SCAF4: variants seen among roughly 807,000 people sequenced by gnomAD.
The protein encoded by SCAF4 is SR-related CTD associated factor 4.
A neutral mutation model predicts 129.8 loss-of-function variants in SCAF4; 25 were observed. The observed-to-expected ratio is 0.19, with a 90% CI of 0.14 to 0.27. The LOEUF (loss-of-function observed/expected upper bound fraction) is 0.27, where lower values mean the gene tolerates loss of function less well. Among genes scored for constraint, SCAF4 ranks in the 10% least tolerant of loss-of-function variants. SCAF4 has a pLI of 1.00. For missense variants in SCAF4, 1,246 were observed against 1,457.1 expected, an observed-to-expected ratio of 0.86 and a Z score of 2.36; for synonymous variants, 551 against 497.7, an observed-to-expected ratio of 1.11 and a Z score of -1.43.
intron 4 of SCAF4, among the ~76,000 whole-genome samples, chr21:31,702,891 G>A (rs2050568891): frequency 1.3e-5 from 2 of 152,068 alleles, no homozygotes; most frequent in African/African-American, 4.8e-5. Flanking sequence ...TCCCACAAGA[G>A]CATTCTTCCA....
At chr21:31,698,349 A>G (rs1269504507) in intron 7 of SCAF4, among the ~76,000 whole-genome samples, 1 of 152,210 alleles carries the variant, frequency 6.6e-6, no homozygotes, top group East Asian at 1.9e-4. Flanking sequence ...ACTTAAGGTT[A>G]AATACTAGAG....
intron 1 of SCAF4, among the ~76,000 whole-genome samples, chr21:31,709,584 C>T (rs900224211): frequency 3.3e-5 from 5 of 152,070 alleles, no homozygotes; most frequent in African/African-American, 4.8e-5. Context: ...ACTCTATAGT[C>T]TCTATTTAAA....
chr21:31,707,417 A>G (rs1172124232), intron 1 of SCAF4, among the ~76,000 whole-genome samples: 1 of 152,200 alleles, frequency 6.6e-6, no homozygotes, highest in Non-Finnish European at 1.5e-5. Flanking sequence ...ATCTACAGCC[A>G]TCAGGTGCTT....
At position 31,672,433 on chromosome 21, in the gene SCAF4, A is replaced by G; in HGVS notation, c.2489-79T>C. ...TTCAGCTGTGTTCTGTGGCGCTTAAAGCAAAATAAAATTCAACCCACAATC... is the reference window on the plus strand; with the variant it reads ...TTCAGCTGTGTTCTGTGGCGCTTAAGGCAAAATAAAATTCAACCCACAATC... On this transcript the variant is annotated intron_variant, in intron 19 of 19. Transcript: ENST00000286835. 2 of 1,132,152 alleles carry G rather than the reference A, an allele frequency of 1.8e-6. 1 individual carries two copies. Among genetic ancestry groups the G allele is most frequent in the South Asian group, 2.7e-5 (2 of 74,120 alleles). 70.1% of individuals were successfully genotyped at this position (1,132,152 alleles called of 1,614,324 possible). A position where few individuals can be genotyped will look rare whatever the true frequency, so the allele number is the denominator to read the frequency against.
At chr21:31,682,429 G>C (rs1442544313) in intron 19 of SCAF4, among the ~76,000 whole-genome samples, 1 of 151,322 alleles carries the variant, frequency 6.6e-6, no homozygotes, top group Non-Finnish European at 1.5e-5. Flanking sequence ...AGTTTAAAAC[G>C]AATCACAGAT....
Position 31,685,572 on chromosome 21 carries a change from T to A in SCAF4, c.2205A>T (p.Pro735=), listed in dbSNP as rs769091419. The A allele has an allele frequency of 3.7e-6, 6 of 1,613,960 alleles. No individual in the cohort carries two copies. The South Asian group carries it at 6.6e-5, about 18-fold the overall frequency. Residue 735 remains proline (P), a synonymous_variant, in exon 17 of 20, where the codon CCA becomes CCT. Transcript: ENST00000286835. ...TTCACAGACAATTTAGTGTACCTGG[T>A]GGTAAATGCATTGGGTTGAATCCTG... ...LRPGFNPMHL[P]PGFLPPGPPP...
At chr21:31,727,233 C>T (rs2051227994) in intron 1 of SCAF4, among the ~76,000 whole-genome samples, 1 of 152,114 alleles carries the variant, frequency 6.6e-6, no homozygotes, top group Non-Finnish European at 1.5e-5. Context: ...CGCCTACCAC[C>T]AGGCCCAGCT....
chr21:31,731,581 G>T, intron 1 of SCAF4, 82 bp downstream of exon 1: 1 of 1,509,312 alleles, frequency 6.6e-7, no homozygotes, highest in Non-Finnish European at 9.0e-7. Context: ...CCGGACCAAA[G>T]CTTTAAACCT....
intron 1 of SCAF4, among the ~76,000 whole-genome samples, chr21:31,712,059 C>T (rs2050811172): frequency 6.6e-6 from 1 of 151,998 alleles, no homozygotes; most frequent in Admixed American, 6.6e-5. Flanking sequence ...TTTTAGAACT[C>T]AATTTTACCT....
At chr21:31,701,428 T>C (rs944908668) in intron 6 of SCAF4, among the ~76,000 whole-genome samples, 7 of 152,170 alleles carry the variant, frequency 4.6e-5, no homozygotes, top group Admixed American at 3.9e-4. Flanking sequence ...ATACACTGAA[T>C]TGTGAACAAA....
intron 19 of SCAF4, 88 bp downstream of exon 19, chr21:31,684,961 T>A: frequency 4.7e-6 from 3 of 633,624 alleles, no homozygotes; most frequent in Non-Finnish European, 8.1e-6. Context: ...TTAACATTGT[T>A]TTTTTAAAAA....
intron 1 of SCAF4, among the ~76,000 whole-genome samples, chr21:31,707,030 T>C (rs532045483): frequency 1.3e-5 from 2 of 152,210 alleles, no homozygotes; most frequent in Non-Finnish European, 2.9e-5. Context: ...AATGCTTTTT[T>C]TTAAGAGGTA....
chr21:31,692,499 G>T, intron 12 of SCAF4, 50 bp from the exon 13 acceptor site: 1 of 1,224,128 alleles, frequency 8.2e-7, no homozygotes, highest in Non-Finnish European at 1.2e-6. Context: ...ATAATGAGCA[G>T]CACTGTAGCT....
chr21:31,700,182 T>TCA (rs71193138), intron 7 of SCAF4, among the ~76,000 whole-genome samples: 45,178 of 148,334 alleles, frequency 0.3, 6,958 homozygotes, highest in Middle Eastern at 0.38. Flanking sequence ...ACACACACAC[T>TCA]CACACACACA....
intron 11 of SCAF4, among the ~76,000 whole-genome samples, chr21:31,693,887 C>T (rs1456751184): frequency 2.6e-5 from 4 of 152,122 alleles, no homozygotes; most frequent in Non-Finnish European, 5.9e-5. Context: ...CTTTTGCTGG[C>T]TGATAAAGCT....
At position 31,688,304 on chromosome 21, in the gene SCAF4, C is replaced by T. The variant is rs775664042; in HGVS notation, c.2043+3G>A. The T allele has an allele frequency of 1.2e-6, 2 of 1,611,620 alleles. No homozygotes were observed. The highest frequency in any genetic ancestry group is 1.7e-5 in the Admixed American group (1 of 59,586). ...AGTTTAAGTCATGTCCCAATATTCT[C>T]ACCTGTGGAGGTGGCACTGTTATAG... On this transcript the variant is annotated splice_donor_region_variant and intron_variant, in intron 16 of 19. Coordinates refer to ENST00000286835, the MANE Select transcript of SCAF4 (RefSeq NM_020706.2).
At chr21:31,708,307 C>T (rs556032356) in intron 1 of SCAF4, among the ~76,000 whole-genome samples, 3 of 150,948 alleles carry the variant, frequency 2.0e-5, no homozygotes, top group South Asian at 2.1e-4. Flanking sequence ...ACCCAGGAGG[C>T]GGACAGAGGT....
intron 1 of SCAF4, among the ~76,000 whole-genome samples, chr21:31,731,165 G>C (rs971170387): frequency 6.6e-6 from 1 of 152,158 alleles, no homozygotes; most frequent in Non-Finnish European, 1.5e-5. Flanking sequence ...TCCAGCCGTC[G>C]ACGCGCCGCG....
intron 1 of SCAF4, among the ~76,000 whole-genome samples, chr21:31,711,379 AC>A (rs2050795429): frequency 6.6e-6 from 1 of 152,246 alleles, no homozygotes; most frequent in Non-Finnish European, 1.5e-5. Context: ...CCTTCACTGA[AC>A]AGATACAGAA....
Sources: allele counts gnomAD v4.1 joint callset (sites outside exome capture counted in the v4.1 genomes callset), GRCh38; gene constraint gnomAD v4.1.1; transcripts MANE v1.5; gene names NCBI Gene and HGNC (gene_info 2026-07-23, HGNC 2026-07-21).